Variants in PPARD observed in about 807,000 individuals in gnomAD.
The protein encoded by PPARD is peroxisome proliferator activated receptor delta.
PPARD carries 6 observed loss-of-function variants against 39.5 expected under a neutral mutation model. That is an observed-to-expected ratio of 0.15 (90% confidence interval 0.08 to 0.30). The LOEUF (loss-of-function observed/expected upper bound fraction) is 0.30, where lower values mean the gene tolerates loss of function less well. Ranked by LOEUF, PPARD falls within the 10% of genes least tolerant of loss-of-function variation. The pLI, the probability that PPARD is intolerant of heterozygous loss-of-function variation, is 1.00. For missense variants in PPARD, 397 were observed against 596.8 expected (o/e 0.67, Z 3.49); for synonymous variants, 210 against 231.3 (o/e 0.91, Z 0.83).
intron 2 of PPARD, among the ~76,000 whole-genome samples, chr6:35,368,061 G>A (rs1437581893): frequency 6.6e-6 from 1 of 152,222 alleles, no homozygotes; most frequent in African/African-American, 2.4e-5. Flanking sequence ...TTCTGCTTCT[G>A]GTTCCTTGGG....
At chr6:35,411,993 G>T (rs9296151) in intron 3 of PPARD, among the ~76,000 whole-genome samples, 2 of 152,058 alleles carry the variant, frequency 1.3e-5, no homozygotes, top group Non-Finnish European at 2.9e-5. Context: ...CAGTGGCACA[G>T]TCTCAGCTCA....
intron 3 of PPARD, among the ~76,000 whole-genome samples, chr6:35,414,449 A>G (rs1765622106): frequency 1.3e-5 from 2 of 152,118 alleles, no homozygotes; most frequent in African/African-American, 2.4e-5. Context: ...TTAACTGTTT[A>G]AAAGGGGGGT....
At chr6:35,423,238 AAAG>A (rs1766313703) in intron 5 of PPARD, among the ~76,000 whole-genome samples, 1 of 151,610 alleles carries the variant, frequency 6.6e-6, no homozygotes, top group South Asian at 2.1e-4. Flanking sequence ...CAAAACAAAA[AAAG>A]AAAAAGGCTG....
rs146289882 is a variant in PPARD, at chr6:35,424,073, T to A, written c.552T>A (p.Asn184Lys). Residue 184 changes from asparagine (N) to lysine (K), a missense_variant, in exon 6 of 8, where the codon AAT becomes AAA. Asn to Lys is a moderately conservative substitution (Grantham distance 94). Coordinates refer to ENST00000360694, the MANE Select transcript of PPARD (RefSeq NM_006238.5). This position sits in a 1 kb window ranked among gnomAD's most constrained non-coding sequence, Gnocchi z 7.1. ...DLKAFSKHIY[N>K]AYLKNFNMTK... The stretch of plus-strand genomic sequence containing the variant: ...AGGCCTTCTCCAAGCACATCTACAA[T>A]GCCTACCTGAAAAACTTCAACATGA... 3.2e-5 allele frequency: 51 copies of A among 1,614,092 alleles called. No individual in the cohort carries two copies. Among genetic ancestry groups the A allele is most frequent in the Admixed American group, 2.2e-4 (13 of 60,024 alleles).
intron 2 of PPARD, among the ~76,000 whole-genome samples, chr6:35,361,860 G>A (rs1001576206): frequency 6.6e-6 from 1 of 152,188 alleles, no homozygotes; most frequent in African/African-American, 2.4e-5. Context: ...ATGGAGGAAG[G>A]GCCTGCCACT....
chr6:35,392,665 G>A (rs1024371774), intron 2 of PPARD, among the ~76,000 whole-genome samples: 6 of 152,208 alleles, frequency 3.9e-5, no homozygotes, highest in Admixed American at 1.3e-4. Flanking sequence ...CCGCCTACGT[G>A]CTCGGGACGC....
chr6:35,367,819 G>A (rs1762284805), intron 2 of PPARD, among the ~76,000 whole-genome samples: 3 of 152,224 alleles, frequency 2.0e-5, no homozygotes, highest in Non-Finnish European at 4.4e-5. Flanking sequence ...CAGTCGTGTT[G>A]AGGCCTGGGC....
rs903213946 is a variant in PPARD at position 35,366,865 on chromosome 6, T to C, written c.-102+19715T>C. Reference sequence around the variant, plus strand: ...GCATCCGGCCTCTGTATTAAATACTTTAGCTGCATATTCTTTCTTCGAAAT... The same window carrying C: ...GCATCCGGCCTCTGTATTAAATACTCTAGCTGCATATTCTTTCTTCGAAAT... On this transcript the variant is annotated intron_variant, in intron 2 of 7. Coordinates refer to ENST00000360694, the MANE Select transcript of PPARD (RefSeq NM_006238.5). The surrounding 1 kb of genome is among the most constrained non-coding windows in gnomAD (Gnocchi z 4.6). Among the ~76,000 whole-genome samples, 3 of 152,220 alleles carry C rather than the reference T, an allele frequency of 2.0e-5. No individual in the cohort carries two copies. The highest frequency in any genetic ancestry group is 7.2e-5 in the African/African-American group (3 of 41,456).
chr6:35,396,450 C>T (rs1312803008), intron 2 of PPARD, among the ~76,000 whole-genome samples: 4 of 150,468 alleles, frequency 2.7e-5, no homozygotes, highest in African/African-American at 4.9e-5. Context: ...GTGATCCACA[C>T]ACCTCGGCCT....
At chr6:35,389,654 T>G (rs1763898749) in intron 2 of PPARD, among the ~76,000 whole-genome samples, 1 of 152,188 alleles carries the variant, frequency 6.6e-6, no homozygotes, top group Non-Finnish European at 1.5e-5. Flanking sequence ...TAGGAATTCA[T>G]GGGGCTTATT....
chr6:35,367,833 C>T (rs984034882), intron 2 of PPARD, among the ~76,000 whole-genome samples: 3 of 152,354 alleles, frequency 2.0e-5, no homozygotes, highest in South Asian at 2.1e-4. Flanking sequence ...CCTGGGCTCA[C>T]GTCCCAGAAC....
Position 35,424,954 on chromosome 6 carries a change from A to G in PPARD, c.1078+175A>G. The G allele has an allele frequency of 7.0e-7, 1 of 1,432,912 alleles. No homozygotes were observed. 88.8% of individuals were successfully genotyped at this position (1,432,912 alleles called of 1,614,324 possible). A position where few individuals can be genotyped will look rare whatever the true frequency, so the allele number is the denominator to read the frequency against. ...CATGCAGGATCAGCTCCATCTCATTATGTACGTAGATAGAGGTGGAGACAG... is the reference window on the plus strand; with the variant it reads ...CATGCAGGATCAGCTCCATCTCATTGTGTACGTAGATAGAGGTGGAGACAG... On this transcript the variant is annotated intron_variant, in intron 7 of 7. Transcript: ENST00000360694. This position sits in a 1 kb window ranked among gnomAD's most constrained non-coding sequence, Gnocchi z 7.1.
chr6:35,386,338 T>C (rs1405601390), intron 2 of PPARD, among the ~76,000 whole-genome samples: 3 of 142,342 alleles, frequency 2.1e-5, no homozygotes, highest in Admixed American at 7.0e-5. Flanking sequence ...TTTTTTTTTT[T>C]CAGTGAGCCA....
chr6:35,409,996 GTC>G (rs1562215120), intron 2 of PPARD, among the ~76,000 whole-genome samples: 3 of 152,218 alleles, frequency 2.0e-5, no homozygotes, highest in Non-Finnish European at 4.4e-5. Flanking sequence ...AGCAGAAGGA[GTC>G]TCTGATCACT....
chr6:35,380,364 C>G (rs977854132), intron 2 of PPARD, among the ~76,000 whole-genome samples: 6 of 151,400 alleles, frequency 4.0e-5, no homozygotes, highest in African/African-American at 1.5e-4. Flanking sequence ...AATGATGTCT[C>G]ACCTCCCTTC....
chr6:35,379,551 CTCT>C (rs932418139), intron 2 of PPARD, among the ~76,000 whole-genome samples: 3 of 152,234 alleles, frequency 2.0e-5, no homozygotes, highest in African/African-American at 7.2e-5. Context: ...CCACAAGTCC[CTCT>C]TCTTAGAGAG....
chr6:35,367,778 C>T (rs1005676155), intron 2 of PPARD, among the ~76,000 whole-genome samples: 1 of 152,192 alleles, frequency 6.6e-6, no homozygotes, highest in Non-Finnish European at 1.5e-5. Context: ...CTTCTTGCAG[C>T]ATGGCATCTG....
chr6:35,398,433 AGGTAAAGGGCTC>A (rs1019500015), intron 2 of PPARD, among the ~76,000 whole-genome samples: 4 of 152,168 alleles, frequency 2.6e-5, no homozygotes. Flanking sequence ...CATGGGGGGA[AGGTAAAGGGCTC>A]GGTTTTGGAT....
At chr6:35,359,163 G>A (rs1012486642) in intron 2 of PPARD, among the ~76,000 whole-genome samples, 9 of 152,336 alleles carry the variant, frequency 5.9e-5, no homozygotes, top group African/African-American at 1.7e-4. Context: ...GGAGGCCAGC[G>A]TGGCTGGACA....
Sources: allele counts gnomAD v4.1 joint callset (sites outside exome capture counted in the v4.1 genomes callset), GRCh38; gene constraint gnomAD v4.1.1; non-coding constraint Gnocchi (gnomAD v3.1); transcripts MANE v1.5; gene names NCBI Gene and HGNC (gene_info 2026-07-23, HGNC 2026-07-21).